PKP1: variants seen among roughly 807,000 people sequenced by gnomAD.
PKP1 encodes the protein plakophilin 1, also known as plakophilin-1.
PKP1 carries 27 observed loss-of-function variants against 76.4 expected under a neutral mutation model. The observed-to-expected ratio is 0.35, with a 90% confidence interval of 0.26 to 0.49. PKP1 has a LOEUF of 0.49. Ranked by LOEUF, PKP1 falls within the 20% of genes least tolerant of loss-of-function variation. The probability of loss-of-function intolerance (pLI) is 0.99; values close to 1 mark genes in which losing one functional copy is unlikely to be tolerated. For synonymous variants in PKP1, 404 were observed against 384.2 expected (o/e 1.05, Z -0.60); for missense variants, 964 against 955.2 (o/e 1.01, Z -0.12).
At chr1:201,299,067 A>C (rs1050855214) in intron 2 of PKP1, among the ~76,000 whole-genome samples, 1 of 152,206 alleles carries the variant, frequency 6.6e-6, no homozygotes, top group Non-Finnish European at 1.5e-5. Context: ...GGTACTGCAG[A>C]GGGGCTGCCG....
intron 2 of PKP1, among the ~76,000 whole-genome samples, chr1:201,308,701 G>A (rs1015856616): frequency 6.6e-6 from 1 of 152,146 alleles, no homozygotes; most frequent in African/African-American, 2.4e-5. Flanking sequence ...GGGGTGTGCT[G>A]GGGAGGGGAA....
intron 2 of PKP1, among the ~76,000 whole-genome samples, chr1:201,299,903 G>T (rs1772819): frequency 5.9e-5 from 9 of 152,344 alleles, no homozygotes; most frequent in African/African-American, 1.9e-4. Context: ...GGTTCCTTCG[G>T]CAGTGCCTGC....
At chr1:201,320,091 TCTC>T (rs1358473977) in intron 6 of PKP1, 173 bp from the exon 7 acceptor site, 21 of 692,366 alleles carry the variant, frequency 3.0e-5, no homozygotes, top group Non-Finnish European at 4.9e-5. Flanking sequence ...CCTTTCCTCT[TCTC>T]CTTCCTTCCT....
chr1:201,324,667 C>A, intron 10 of PKP1, 86 bp downstream of exon 10: 1 of 1,516,198 alleles, frequency 6.6e-7, no homozygotes, highest in Non-Finnish European at 9.1e-7. Context: ...ATCCTTTAAG[C>A]CATTCCCTGG....
At chr1:201,310,381 C>T (rs553289663) in intron 2 of PKP1, among the ~76,000 whole-genome samples, 4 of 152,352 alleles carry the variant, frequency 2.6e-5, no homozygotes, top group South Asian at 4.1e-4. Flanking sequence ...CATTGGGCAA[C>T]GACAAGGCCA....
chr1:201,309,263 C>T (rs1477245190), intron 2 of PKP1, among the ~76,000 whole-genome samples: 5 of 151,790 alleles, frequency 3.3e-5, no homozygotes, highest in Non-Finnish European at 2.9e-5. Flanking sequence ...GGGGTTAAAA[C>T]ACCCCACTTC....
At chr1:201,319,246 A>G (rs1392056768) in intron 6 of PKP1, among the ~76,000 whole-genome samples, 1 of 152,230 alleles carries the variant, frequency 6.6e-6, no homozygotes, top group Non-Finnish European at 1.5e-5. Flanking sequence ...TGCTTCACCC[A>G]AAGTTGCCTA....
intron 2 of PKP1, among the ~76,000 whole-genome samples, chr1:201,304,301 C>G (rs1656314095): frequency 6.6e-6 from 1 of 152,206 alleles, no homozygotes; most frequent in Non-Finnish European, 1.5e-5. Context: ...CCAGCTTTAA[C>G]ACTAGTCCCT....
At chr1:201,312,323 G>A (rs1656580236) in intron 2 of PKP1, among the ~76,000 whole-genome samples, 8 of 152,222 alleles carry the variant, frequency 5.3e-5, no homozygotes, top group Admixed American at 5.2e-4. Flanking sequence ...TCTGTGTGCT[G>A]AGTATAAGGG....
At chr1:201,287,551 G>T (rs536593089) in intron 1 of PKP1, among the ~76,000 whole-genome samples, 2 of 152,192 alleles carry the variant, frequency 1.3e-5, no homozygotes, top group Non-Finnish European at 2.9e-5. Context: ...TTGTTCCATT[G>T]GCGAAACATA....
chr1:201,300,904 G>A (rs963732717), intron 2 of PKP1, among the ~76,000 whole-genome samples: 1 of 152,200 alleles, frequency 6.6e-6, no homozygotes, highest in Non-Finnish European at 1.5e-5. Flanking sequence ...ACAGGATGGA[G>A]GGCAGAGCAG....
chr1:201,320,299 C>CCAT lies in PKP1; in HGVS notation c.1266_1268dup (p.Thr422_Met423insIle). The CCAT allele has an allele frequency of 6.2e-7, 1 of 1,613,974 alleles. No individual in the cohort carries two copies. The highest frequency in any genetic ancestry group is 8.5e-7 in the Non-Finnish European group (1 of 1,179,834). On this transcript the variant is annotated inframe_insertion, in exon 7 of 14. Transcript: ENST00000367324. ...AGCTCGGCCGATGCAGGCCGCCAGA[C>CCAT]CATGCGTAACTACTCAGGGCTCATT...
At position 201,320,283 on chromosome 1, in the gene PKP1, G is replaced by C. The variant is rs141222689; in HGVS notation, c.1249G>C (p.Asp417His). Residue 417 changes from aspartate to histidine, a missense_variant, in exon 7 of 14, where the codon GAT (aspartate) becomes CAT (histidine). Transcript: ENST00000367324. ...CTCCCCCAGGAACCTGAGCTCGGCC[G>C]ATGCAGGCCGCCAGACCATGCGTAA... ...TGCLRNLSSA[D>H]AGRQTMRNYS... 3 of 1,612,770 alleles carry C rather than the reference G, an allele frequency of 1.9e-6. No individual in the cohort carries two copies. Among genetic ancestry groups the C allele is most frequent in the South Asian group, 2.2e-5 (2 of 91,032 alleles).
At position 201,331,443 on chromosome 1, in the gene PKP1, GGACATCC is replaced by G. The variant is rs1193318701; in HGVS notation, c.*1403_*1409del. 6.6e-6 allele frequency: 1 copy of G among 152,408 alleles called. No homozygotes were observed. Among genetic ancestry groups the G allele is most frequent in the Non-Finnish European group, 1.5e-5 (1 of 68,234 alleles). 9.4% of individuals were successfully genotyped at this position (152,408 alleles called of 1,614,324 possible). A position where few individuals can be genotyped will look rare whatever the true frequency, so the allele number is the denominator to read the frequency against. On this transcript the variant is annotated 3_prime_UTR_variant, in exon 14 of 14. Coordinates refer to ENST00000367324, the MANE Select transcript of PKP1 (RefSeq NM_001005337.3). The stretch of plus-strand genomic sequence containing the variant: ...GAGGGCCTTATGAGAAAACCTGTGT[GGACATCC>G]CTTGGTGTACACTAAGACAGAGCAG...
At chr1:201,319,767 C>T (rs1381361107) in intron 6 of PKP1, 4 of 1,596,528 alleles carry the variant, frequency 2.5e-6, no homozygotes, top group Non-Finnish European at 3.4e-6. Flanking sequence ...CGGCCACCCC[C>T]AGATCCACTT....
At chr1:201,320,469 A>T in intron 7 of PKP1, 88 bp downstream of exon 7, 1 of 807,208 alleles carries the variant, frequency 1.2e-6, no homozygotes, top group Non-Finnish European at 2.1e-6. Flanking sequence ...CAGTGACAAG[A>T]CAGGAGCACA....
chr1:201,322,795 GA>G (rs1656987249), intron 8 of PKP1, among the ~76,000 whole-genome samples: 1 of 152,214 alleles, frequency 6.6e-6, no homozygotes, highest in Admixed American at 6.5e-5. Flanking sequence ...CAGTCTGGGG[GA>G]CCATGGCCCA....
chr1:201,319,901 G>T, intron 6 of PKP1: 1 of 1,613,078 alleles, frequency 6.2e-7, no homozygotes, highest in Non-Finnish European at 8.5e-7. Flanking sequence ...ATGCAGCTGC[G>T]GAGGGACCGT....
chr1:201,300,348 G>A (rs73074606), intron 2 of PKP1, among the ~76,000 whole-genome samples: 1 of 152,180 alleles, frequency 6.6e-6, no homozygotes, highest in Non-Finnish European at 1.5e-5. Flanking sequence ...CTTGGGAGGG[G>A]CCCTCCTTTC....
Sources: gnomAD v4.1 joint callset for allele counts (sites outside exome capture counted in the v4.1 genomes callset) on GRCh38, gnomAD v4.1.1 for gene constraint, MANE v1.5 for transcripts, NCBI Gene and HGNC (gene_info 2026-07-23, HGNC 2026-07-21) for gene names.